LGR5: variants seen among roughly 807,000 people sequenced by gnomAD.
LGR5 encodes leucine rich repeat containing G protein-coupled receptor 5, also known as leucine-rich repeat-containing G protein-coupled receptor 5.
LGR5 carries 54 observed loss-of-function variants against 76.7 expected under a neutral mutation model. The ratio of observed to expected loss-of-function variants is 0.70; its 90% CI spans 0.57 to 0.88. The LOEUF (loss-of-function observed/expected upper bound fraction) is 0.88. Among genes scored for constraint, LGR5 ranks in the 40% least tolerant of loss-of-function variants. LGR5 has a pLI of 0.00. For synonymous variants in LGR5, 406 were observed against 421.9 expected, an observed-to-expected ratio of 0.96 and a Z score of 0.46; for missense variants, 1,078 against 1,073.3, an observed-to-expected ratio of 1.00 and a Z score of -0.06.
chr12:71,555,570 C>A (rs991930461), intron 5 of LGR5, among the ~76,000 whole-genome samples: 4 of 152,172 alleles, frequency 2.6e-5, no homozygotes. Context: ...GACCTGTGCT[C>A]CCGCCCTGGG....
chr12:71,505,878 G>GA (rs1193180753), intron 2 of LGR5, among the ~76,000 whole-genome samples: 2 of 152,080 alleles, frequency 1.3e-5, no homozygotes, highest in African/African-American at 4.8e-5. Flanking sequence ...TTCACTCTAG[G>GA]TCCCAGGCCT....
In LGR5 at chr12:71,439,973, C is replaced by A. The variant is rs890551624; in HGVS notation, c.-108C>A. Reference sequence around the variant, plus strand: ...CGCGGCGTCTGGCGCTGCAGACGCCCGCTGAGTTGCAGAAGCCCACGGAGC... The same window carrying A: ...CGCGGCGTCTGGCGCTGCAGACGCCAGCTGAGTTGCAGAAGCCCACGGAGC... On this transcript the variant is annotated 5_prime_UTR_variant, in exon 1 of 18. Coordinates refer to ENST00000266674, the MANE Select transcript of LGR5 (RefSeq NM_003667.4). 1.9e-5 allele frequency: 19 copies of A among 1,003,242 alleles called. No homozygotes were observed. The highest frequency in any genetic ancestry group is 8.4e-5 in the African/African-American group (5 of 59,592). The allele number at this position is 1,003,242 out of a possible 1,614,324, so 62.1% of individuals were successfully genotyped here.
intron 2 of LGR5, among the ~76,000 whole-genome samples, chr12:71,524,097 T>C (rs983997779): frequency 6.6e-6 from 1 of 152,238 alleles, no homozygotes; most frequent in Admixed American, 6.5e-5. Flanking sequence ...TTGCAAATTA[T>C]CATATGGTGT....
intron 4 of LGR5, among the ~76,000 whole-genome samples, chr12:71,537,667 TCTC>T (rs1420863036): frequency 6.6e-6 from 1 of 152,156 alleles, no homozygotes; most frequent in Non-Finnish European, 1.5e-5. Flanking sequence ...TAATTGTACT[TCTC>T]CTTCTTCCTT....
intron 11 of LGR5, chr12:71,571,289 A>G (rs990199729): frequency 5.2e-6 from 2 of 385,364 alleles, no homozygotes; most frequent in African/African-American, 2.1e-5. Context: ...TAAGTAAACT[A>G]TTTAAATCAA....
chr12:71,441,550 G>C (rs1458351576), intron 1 of LGR5: 3 of 152,170 alleles, frequency 2.0e-5, no homozygotes, highest in Admixed American at 2.0e-4. Context: ...ACATGAAGAG[G>C]CTTGCACAAC....
At chr12:71,538,640 A>G (rs1876723204) in intron 4 of LGR5, among the ~76,000 whole-genome samples, 1 of 152,200 alleles carries the variant, frequency 6.6e-6, no homozygotes, top group Admixed American at 6.5e-5. Flanking sequence ...CTCTTTTCAA[A>G]CCTGAAATTA....
chr12:71,539,644 A>AT (rs1419052695), intron 4 of LGR5, among the ~76,000 whole-genome samples: 2 of 152,022 alleles, frequency 1.3e-5, no homozygotes, highest in Non-Finnish European at 2.9e-5. Flanking sequence ...CGGCTGGCTA[A>AT]TTTTTTGTAT....
rs190548371 is a variant in LGR5 at position 71,447,027 on chromosome 12, C to T, written c.212+6735C>T. On this transcript the variant is annotated intron_variant, in intron 1 of 17. Transcript: ENST00000266674. The stretch of plus-strand genomic sequence containing the variant: ...ATCTATGTGTCAAATTAAGTAGCTG[C>T]ATTCTTTGGAACTATTTCTCAGTTC... Among the ~76,000 whole-genome samples the T allele has an allele frequency of 3.4e-4, 52 of 152,272 alleles. No homozygotes were observed. In the East Asian group the frequency reaches 8.5e-3, roughly 25 times the overall value.
At chr12:71,446,343 A>C (rs181839068) in intron 1 of LGR5, among the ~76,000 whole-genome samples, 92 of 152,342 alleles carry the variant, frequency 6.0e-4, no homozygotes, top group African/African-American at 1.8e-3. Context: ...TACATGTATA[A>C]ATTACTTTAT....
intron 4 of LGR5, among the ~76,000 whole-genome samples, chr12:71,552,108 G>C (rs1193369417): frequency 6.6e-6 from 1 of 151,896 alleles, no homozygotes; most frequent in Non-Finnish European, 1.5e-5. Flanking sequence ...AGGGGAGGGA[G>C]AGCATTAGGA....
chr12:71,546,594 A>AG, intron 4 of LGR5, among the ~76,000 whole-genome samples: 1 of 152,092 alleles, frequency 6.6e-6, no homozygotes, highest in South Asian at 2.1e-4. Flanking sequence ...CTCTCATAGT[A>AG]GGCCCTTCCT....
intron 13 of LGR5, among the ~76,000 whole-genome samples, chr12:71,576,014 CACTT>C (rs1272821127): frequency 8.5e-5 from 13 of 152,134 alleles, no homozygotes; most frequent in Admixed American, 4.6e-4. Context: ...TGCATGTTCT[CACTT>C]ATAAGTGGGA....
intron 1 of LGR5, among the ~76,000 whole-genome samples, chr12:71,477,637 A>T (rs998043669): frequency 2.0e-5 from 3 of 152,132 alleles, no homozygotes; most frequent in African/African-American, 7.2e-5. Context: ...ATGAATTGAT[A>T]AAATCCTTAT....
chr12:71,479,966 CA>C (rs1181301240), intron 1 of LGR5, among the ~76,000 whole-genome samples: 1 of 152,100 alleles, frequency 6.6e-6, no homozygotes, highest in Admixed American at 6.5e-5. Flanking sequence ...TAGGTGGTGC[CA>C]GGGAATTATC....
chr12:71,535,776 A>C (rs1876554409), intron 4 of LGR5, among the ~76,000 whole-genome samples: 1 of 152,222 alleles, frequency 6.6e-6, no homozygotes, highest in African/African-American at 2.4e-5. Flanking sequence ...CCTTAGATTC[A>C]CACACCACAC....
intron 1 of LGR5, among the ~76,000 whole-genome samples, chr12:71,448,076 C>CACACACAA (rs1410974632): frequency 2.2e-4 from 29 of 134,730 alleles, no homozygotes; most frequent in Admixed American, 1.3e-3. Flanking sequence ...CTCCCTCACA[C>CACACACAA]ACACACAAAC....
chr12:71,462,880 T>C (rs1872734380), intron 1 of LGR5, among the ~76,000 whole-genome samples: 1 of 152,170 alleles, frequency 6.6e-6, no homozygotes, highest in Non-Finnish European at 1.5e-5. Context: ...ATCTTAGTTC[T>C]CTCATCTGCC....
Position 71,553,163 on chromosome 12 carries a change from G to C in LGR5, c.519G>C (p.Ala173=), listed in dbSNP as rs139037576. 7 of 1,613,814 alleles carry C rather than the reference G, an allele frequency of 4.3e-6. No individual in the cohort carries two copies. The Admixed American group carries it at 5.0e-5, about 12-fold the overall frequency. The change falls in exon 5 of 18, where the codon GCG becomes GCC. Residue 173 remains alanine (A), a synonymous_variant. Coordinates refer to ENST00000266674, the MANE Select transcript of LGR5 (RefSeq NM_003667.4). ...SLRHLWLDDN[A]LTEIPVQAFR... ...GGCACCTGTGGCTGGATGACAATGC[G>C]TTAACAGAAATCCCCGTCCAGGCTT...
Sources: gnomAD v4.1 joint callset for allele counts (sites outside exome capture counted in the v4.1 genomes callset) on GRCh38, gnomAD v4.1.1 for gene constraint, MANE v1.5 for transcripts, NCBI Gene and HGNC (gene_info 2026-07-23, HGNC 2026-07-21) for gene names.